The following ATRX variants were observed in gnomAD, a reference collection of about 807,000 sequenced individuals.
ATRX encodes the protein ATRX chromatin remodeler.
In ATRX, 12 loss-of-function variants were observed where a neutral mutation model predicts 172.6. The ratio of observed to expected loss-of-function variants is 0.07; its 90% CI spans 0.04 to 0.11. The LOEUF (loss-of-function observed/expected upper bound fraction) is 0.11. Among genes scored for constraint, ATRX ranks in the 10% least tolerant of loss-of-function variants. The pLI is 1.00. For synonymous variants in ATRX, 674 were observed against 594.7 expected (o/e 1.13, Z -1.94); for missense variants, 1,368 against 1,767.4 (o/e 0.77, Z 4.05).
intron 20 of ATRX, among the ~76,000 whole-genome samples, chrX:77,620,090 C>T (rs1261782828): frequency 8.9e-5 from 10 of 112,070 alleles, no homozygotes; most frequent in Non-Finnish European, 1.7e-4. Context: ...CTGGAGTAAT[C>T]ACATATGCTT....
rs2062713283 is a variant in ATRX at position 77,506,678 on chromosome X, G to C, written c.*1673C>G. 5.8e-6 allele frequency: 1 copy of C among 172,997 alleles called. No individual in the cohort carries two copies. Among genetic ancestry groups the C allele is most frequent in the African/African-American group, 3.0e-5 (1 of 33,607 alleles). The allele number at this position is 172,997 out of a possible 1,213,427, so 14.3% of individuals were successfully genotyped here. On this transcript the variant is annotated 3_prime_UTR_variant, in exon 35 of 35. Coordinates refer to ENST00000373344, the MANE Select transcript of ATRX (RefSeq NM_000489.6). ...ATATCTAAATATACAGGATTTATTA[G>C]TGATATTTCATCATGGGAAAGTGGG...
rs1166266194 is a variant in ATRX at position 77,635,859 on chromosome X, C to T, written c.4699+56G>A. 5 of 1,119,271 alleles carry T rather than the reference C, an allele frequency of 4.5e-6. No individual in the cohort carries two copies. The East Asian group carries it at 1.6e-4, about 35-fold the overall frequency. 92.2% of individuals were successfully genotyped at this position (1,119,271 alleles called of 1,213,427 possible). On this transcript the variant is annotated intron_variant, in intron 16 of 34. Transcript: ENST00000373344. The stretch of plus-strand genomic sequence containing the variant: ...AGGATGTGAGGCAGCTGCCTCACAC[C>T]CAAATATTGGTAAAAATTTAACTAA...
At chrX:77,705,096 C>T in intron 2 of ATRX, among the ~76,000 whole-genome samples, 1 of 111,088 alleles carries the variant, frequency 9.0e-6, no homozygotes, top group Non-Finnish European at 1.9e-5. Flanking sequence ...GGGGCTCCTG[C>T]TGCACCCAGG....
chrX:77,751,188 ATC>A (rs2075287758), intron 1 of ATRX, among the ~76,000 whole-genome samples: 1 of 112,451 alleles, frequency 8.9e-6, no homozygotes, highest in Admixed American at 9.4e-5. Flanking sequence ...CCTCTCCAGC[ATC>A]TGTTGTTTCC....
At chrX:77,781,258 C>A (rs1440378817) in intron 1 of ATRX, among the ~76,000 whole-genome samples, 3 of 110,004 alleles carry the variant, frequency 2.7e-5, no homozygotes, top group African/African-American at 9.9e-5. Flanking sequence ...CTGGCCAACA[C>A]GGTGAAACCC....
intron 28 of ATRX, among the ~76,000 whole-genome samples, chrX:77,563,039 C>T (rs1557062727): frequency 8.9e-6 from 1 of 112,389 alleles, no homozygotes; most frequent in African/African-American, 3.2e-5. Context: ...TTCTCCAAGT[C>T]TATAAGTTGT....
At chrX:77,562,337 G>A (rs1305617639) in intron 28 of ATRX, among the ~76,000 whole-genome samples, 1 of 111,880 alleles carries the variant, frequency 8.9e-6, no homozygotes, top group Non-Finnish European at 1.9e-5. Context: ...GTAATTGCAA[G>A]GTTATATGAC....
chrX:77,576,739 C>A (rs1765961565), intron 27 of ATRX, among the ~76,000 whole-genome samples: 1 of 111,331 alleles, frequency 9.0e-6, no homozygotes, highest in Non-Finnish European at 1.9e-5. Context: ...CTCTGGGAAG[C>A]CCCGTGGAGT....
At chrX:77,748,384 TG>T (rs1233871348) in intron 1 of ATRX, among the ~76,000 whole-genome samples, 1 of 110,460 alleles carries the variant, frequency 9.1e-6, no homozygotes, top group African/African-American at 3.3e-5. Context: ...GTGATTGGGC[TG>T]GGGGGTGGTA....
chrX:77,683,085 G>A lies in ATRX; in HGVS notation c.2171C>T (p.Thr724Ile), dbSNP rs2071342536. Residue 724 changes from threonine to isoleucine, a missense_variant, in exon 9 of 35, where the codon ACT (threonine) becomes ATT (isoleucine). Physicochemically the swap from Thr to Ile is moderately conservative, Grantham distance 89. Around this residue, in one of 17 missense-constraint regions of ATRX, gnomAD observed 843 missense variants for 643.1 expected, o/e 1.31. Coordinates refer to ENST00000373344, the MANE Select transcript of ATRX (RefSeq NM_000489.6). Reference sequence around the variant, plus strand: ...ATCAGAATCTGAATTTTGATCCACAGTCTCTGATTGCTTAGATTTTGGCAA... The same window carrying A: ...ATCAGAATCTGAATTTTGATCCACAATCTCTGATTGCTTAGATTTTGGCAA... ...NKLPKSKQSE[T>I]VDQNSDSDEM... 8.3e-7 allele frequency: 1 copy of A among 1,210,476 alleles called. No individual in the cohort carries two copies. The highest frequency in any genetic ancestry group is 1.1e-6 in the Non-Finnish European group (1 of 894,854).
chrX:77,696,839 T>G (rs1355036939), intron 4 of ATRX, 135 bp from the exon 5 acceptor site: 1 of 598,733 alleles, frequency 1.7e-6, no homozygotes, highest in African/African-American at 2.2e-5. Flanking sequence ...TAGGGAAGCA[T>G]GTATGTCTAT....
chrX:77,760,469 G>T (rs1464023250), intron 1 of ATRX, among the ~76,000 whole-genome samples: 2 of 76,577 alleles, frequency 2.6e-5, no homozygotes, highest in Admixed American at 3.0e-4. Context: ...GTTGTGGGGT[G>T]GGGGGAGGGG....
Position 77,681,634 on chromosome X carries a change from T to C in ATRX, c.3622A>G (p.Ile1208Val), listed in dbSNP as rs782257568. Residue 1208 changes from isoleucine to valine, a missense_variant, in exon 9 of 35, where the codon ATA (isoleucine) becomes GTA (valine). Around this residue, in one of 17 missense-constraint regions of ATRX, gnomAD observed 843 missense variants for 643.1 expected, o/e 1.31. Transcript: ENST00000373344. Reference sequence around the variant, plus strand: ...ATAGAATTCTGATCATCATCTTCTATATCAGAAGAAGATGAGGATGTAATG... The same window carrying C: ...ATAGAATTCTGATCATCATCTTCTACATCAGAAGAAGATGAGGATGTAATG... ...ADITSSSSSDIEDDDQNSIGE... is the reference protein window; with the variant it reads ...ADITSSSSSDVEDDDQNSIGE... The C allele has an allele frequency of 1.9e-5, 23 of 1,206,469 alleles. No homozygotes were observed. In the South Asian group the frequency reaches 4.0e-4, roughly 21 times the overall value.
At chrX:77,526,667 A>C (rs2063392338) in intron 30 of ATRX, among the ~76,000 whole-genome samples, 1 of 112,574 alleles carries the variant, frequency 8.9e-6, no homozygotes, top group Admixed American at 9.4e-5. Flanking sequence ...AAACATAAAA[A>C]CTGAAACAAT....
At chrX:77,647,757 A>C (rs1414598664) in intron 15 of ATRX, among the ~76,000 whole-genome samples, 1 of 112,095 alleles carries the variant, frequency 8.9e-6, no homozygotes, top group East Asian at 2.8e-4. Flanking sequence ...ATTTGAGATA[A>C]ATGAAATGAT....
chrX:77,745,201 A>G (rs1162960301), intron 1 of ATRX, among the ~76,000 whole-genome samples: 10 of 105,281 alleles, frequency 9.5e-5, no homozygotes, highest in Non-Finnish European at 1.6e-4. Flanking sequence ...AAAAAACTAG[A>G]GAGCTACCAT....
chrX:77,745,699 CACAA>C, intron 1 of ATRX, among the ~76,000 whole-genome samples: 1 of 110,915 alleles, frequency 9.0e-6, no homozygotes, highest in Non-Finnish European at 1.9e-5. Flanking sequence ...CATTTGATAG[CACAA>C]TGGGGTGACT....
intron 1 of ATRX, among the ~76,000 whole-genome samples, chrX:77,751,154 A>G (rs1370193034): frequency 8.9e-6 from 1 of 112,429 alleles, no homozygotes; most frequent in Non-Finnish European, 1.9e-5. Context: ...CCAAAAGTGT[A>G]AAAGTGTTCC....
chrX:77,733,316 C>T (rs781974530), intron 1 of ATRX, among the ~76,000 whole-genome samples: 136 of 111,611 alleles, frequency 1.2e-3, no homozygotes, highest in African/African-American at 4.3e-3. Context: ...AAAACTTACA[C>T]GGAACTACAA....
Sources: gnomAD v4.1 joint callset for allele counts (sites outside exome capture counted in the v4.1 genomes callset) on GRCh38, gnomAD v4.1.1 for gene constraint, gnomAD v4.1.1 regional missense constraint, MANE v1.5 for transcripts, NCBI Gene and HGNC (gene_info 2026-07-23, HGNC 2026-07-21) for gene names.